PPP6R2: variants seen among roughly 807,000 people sequenced by gnomAD.
PPP6R2 encodes the protein protein phosphatase 6 regulatory subunit 2.
In PPP6R2, 62 loss-of-function variants were observed where a neutral mutation model predicts 100.2. The ratio of observed to expected loss-of-function variants is 0.62; its 90% CI spans 0.50 to 0.76. The LOEUF is 0.76. PPP6R2 is among the 30% of genes least tolerant of loss of function. PPP6R2 has a pLI of 0.00. For missense variants in PPP6R2, 1,142 were observed against 1,276.3 expected (o/e 0.89, Z 1.60); for synonymous variants, 525 against 514.7 (o/e 1.02, Z -0.27).
intron 4 of PPP6R2, among the ~76,000 whole-genome samples, chr22:50,408,043 C>A (rs1332632296): frequency 6.6e-6 from 1 of 152,138 alleles, no homozygotes; most frequent in Non-Finnish European, 1.5e-5. Context: ...AACACCACAC[C>A]TGGCTAGTTT....
chr22:50,427,897 T>C (rs1034309625), intron 10 of PPP6R2, among the ~76,000 whole-genome samples: 5 of 152,194 alleles, frequency 3.3e-5, no homozygotes, highest in Admixed American at 1.3e-4. Context: ...ATTTTTTGTA[T>C]TTTTAGTAGA....
Position 50,439,789 on chromosome 22 carries a change from G to A in PPP6R2, c.2217G>A (p.Trp739Ter), listed in dbSNP as rs140169391. ...TGAGGGACGTGGGTTCCAGTGTGTG[G>A]GCAGCTGGCACCTCAGCTCCAGAGG... Reference protein sequence around the residue: ...GVVRDVGSSVWAAGTSAPEEK... With the variant: ...GVVRDVGSSV Residue 739 changes from tryptophan (W) to a stop codon, truncating the protein, a stop_gained, in exon 20 of 24, where the codon TGG (tryptophan) becomes TGA (stop). Coordinates refer to ENST00000612753, the MANE Select transcript of PPP6R2 (RefSeq NM_001242898.2). LOFTEE classifies it high-confidence loss of function. 3 of 1,613,884 alleles carry A rather than the reference G, an allele frequency of 1.9e-6. No individual in the cohort carries two copies. The highest frequency in any genetic ancestry group is 2.5e-6 in the Non-Finnish European group (3 of 1,179,972).
chr22:50,370,167 C>G (rs1210757698), intron 1 of PPP6R2, among the ~76,000 whole-genome samples: 1 of 151,878 alleles, frequency 6.6e-6, no homozygotes, highest in Non-Finnish European at 1.5e-5. Flanking sequence ...TTTGAAAGAT[C>G]TGATTTTATT....
At chr22:50,369,814 C>T (rs1040048356) in intron 1 of PPP6R2, among the ~76,000 whole-genome samples, 7 of 151,370 alleles carry the variant, frequency 4.6e-5, no homozygotes, top group Non-Finnish European at 7.4e-5. Context: ...CCTTTCACTG[C>T]AGCCTCGAAC....
At chr22:50,341,601 T>C (rs929200407), upstream of PPP6R2, among the ~76,000 whole-genome samples, 3 of 152,134 alleles carry the variant, frequency 2.0e-5, no homozygotes, top group African/African-American at 7.2e-5. Context: ...GGGGCCCCTG[T>C]AGGTCTCAGG....
the PPP6R2 span, among the ~76,000 whole-genome samples, chr22:50,337,085 A>C: frequency 6.6e-6 from 1 of 151,834 alleles, no homozygotes; most frequent in Admixed American, 6.6e-5. Context: ...GGAAAAACCA[A>C]GCAGGGAAGG....
chr22:50,339,359 GGT>G (rs1235988118), upstream of PPP6R2, among the ~76,000 whole-genome samples: 1 of 145,214 alleles, frequency 6.9e-6, no homozygotes, highest in East Asian at 2.1e-4. Flanking sequence ...TGTGGTATGT[GGT>G]GTGTGTGGCT....
At chr22:50,351,921 G>A (rs1171962326) in intron 1 of PPP6R2, among the ~76,000 whole-genome samples, 7 of 152,106 alleles carry the variant, frequency 4.6e-5, no homozygotes, top group Non-Finnish European at 1.0e-4. Flanking sequence ...AGCCTCCCCA[G>A]CAGCTGGGAC....
Position 50,440,858 on chromosome 22 carries a change from T to A in PPP6R2, c.2411T>A (p.Val804Asp). The A allele has an allele frequency of 6.2e-7, 1 of 1,613,858 alleles. No homozygotes were observed. The highest frequency in any genetic ancestry group is 8.5e-7 in the Non-Finnish European group (1 of 1,180,006). Residue 804 changes from valine to aspartate, a missense_variant, in exon 22 of 24, where the codon GTC (valine) becomes GAC (aspartate). Physicochemically the swap from Val to Asp is radical, Grantham distance 152. Around this residue, in one of 2 missense-constraint regions of PPP6R2, gnomAD observed 550 missense variants for 517.4 expected, o/e 1.06. Transcript: ENST00000612753. ...TCTCCATGTGCCTGGAACGTGTGTG[T>A]CACCAGGAAGGCCCCCCTGCTGGCC... is the stretch of plus-strand genomic sequence containing the variant. ...PASPCAWNVC[V>D]TRKAPLLASD...
upstream of PPP6R2, among the ~76,000 whole-genome samples, chr22:50,339,508 TGTG>T (rs1458374803): frequency 7.1e-6 from 1 of 139,938 alleles, no homozygotes; most frequent in East Asian, 2.2e-4. Context: ...GTGTTGTGTG[TGTG>T]GTGTGTGTGG....
upstream of PPP6R2, among the ~76,000 whole-genome samples, chr22:50,339,098 T>C (rs1258901833): frequency 3.8e-5 from 5 of 132,418 alleles, no homozygotes; most frequent in African/African-American, 5.8e-5. Context: ...GTGTGTGTGG[T>C]ATGTAGTGTG....
intron 2 of PPP6R2, chr22:50,393,501 A>C: frequency 2.0e-6 from 2 of 982,860 alleles, no homozygotes; most frequent in Non-Finnish European, 2.4e-6. Context: ...AAGCAAGAGC[A>C]TTGAGGGGCA....
At chr22:50,359,369 C>T (rs2047326275) in intron 1 of PPP6R2, among the ~76,000 whole-genome samples, 1 of 152,058 alleles carries the variant, frequency 6.6e-6, no homozygotes, top group Non-Finnish European at 1.5e-5. Flanking sequence ...CAGGCGCCCA[C>T]CACCGCACCC....
rs182422586 is a variant in PPP6R2, at chr22:50,405,154, G to A, written c.228-1535G>A. 2.1e-3 allele frequency among the ~76,000 whole-genome samples: 318 copies of A among 152,346 alleles called. 1 individual carries two copies. The highest frequency in any genetic ancestry group is 0.017 in the Middle Eastern group (5 of 294). ...CTGTGTTTGTTGATGGAAGGGGCAT[G>A]GCTTAGAAGGAAAGGAGAGGCTCAG... On this transcript the variant is annotated intron_variant, in intron 3 of 23. Transcript: ENST00000612753.
intron 4 of PPP6R2, among the ~76,000 whole-genome samples, chr22:50,411,248 G>A (rs2059697904): frequency 6.6e-6 from 1 of 152,122 alleles, no homozygotes; most frequent in Non-Finnish European, 1.5e-5. Flanking sequence ...GAGCCCATGA[G>A]TTTGAGAGCA....
chr22:50,338,459 G>A (rs932038452), upstream of PPP6R2, among the ~76,000 whole-genome samples: 1 of 114,280 alleles, frequency 8.8e-6, no homozygotes, highest in Admixed American at 8.2e-5. Context: ...TGTGTGGTAT[G>A]TAGTGTGTGT....
At chr22:50,333,192 T>G in the PPP6R2 span, among the ~76,000 whole-genome samples, 1 of 152,122 alleles carries the variant, frequency 6.6e-6, no homozygotes, top group African/African-American at 2.4e-5. Context: ...CAATCGATGA[T>G]AATTGTGAGG....
At chr22:50,439,040 C>G (rs2065020741) in intron 19 of PPP6R2, among the ~76,000 whole-genome samples, 1 of 142,946 alleles carries the variant, frequency 7.0e-6, no homozygotes, top group African/African-American at 2.7e-5. Flanking sequence ...CATCGTCCGT[C>G]CAGCCCCCAC....
chr22:50,435,211 C>A, intron 13 of PPP6R2, 130 bp downstream of exon 13: 1 of 650,406 alleles, frequency 1.5e-6, no homozygotes, highest in South Asian at 2.1e-5. Flanking sequence ...CCATGGCCAC[C>A]TCTGTCCTCT....
Sources: allele counts gnomAD v4.1 joint callset (sites outside exome capture counted in the v4.1 genomes callset), GRCh38; gene constraint gnomAD v4.1.1; regional missense constraint gnomAD v4.1.1; transcripts MANE v1.5; gene names NCBI Gene and HGNC (gene_info 2026-07-23, HGNC 2026-07-21).